LRRC49: variants seen among roughly 807,000 people sequenced by gnomAD.
LRRC49 encodes the protein leucine rich repeat containing 49.
In LRRC49, 50 loss-of-function variants were observed where a neutral mutation model predicts 83.3. The observed-to-expected ratio is 0.60, with a 90% CI of 0.48 to 0.76. The LOEUF is 0.76. LRRC49 is among the 30% of genes least tolerant of loss of function. The probability of loss-of-function intolerance (pLI) is 0.00; values close to 1 mark genes in which losing one functional copy is unlikely to be tolerated. For synonymous variants in LRRC49, 286 were observed against 283.3 expected (o/e 1.01, Z -0.10); for missense variants, 704 against 809.1 (o/e 0.87, Z 1.58).
intron 15 of LRRC49, among the ~76,000 whole-genome samples, chr15:71,044,914 C>T (rs1433744399): frequency 2.0e-5 from 2 of 98,156 alleles, no homozygotes; most frequent in African/African-American, 4.0e-5. Flanking sequence ...TTTTTTGAGA[C>T]GGAGTCTCCC....
rs142199119 is a variant in LRRC49 at position 71,030,007 on chromosome 15, T to A, written c.1704-7172T>A. ...GTCTGATTATTTTAATTGGGGCATT[T>A]AGCCCATTTACATTTAAGGTTAATA... On this transcript the variant is annotated intron_variant, in intron 14 of 15. Transcript: ENST00000260382. Among the ~76,000 whole-genome samples, 556 of 152,358 alleles carry A rather than the reference T, an allele frequency of 3.6e-3. 2 individuals carry two copies. Among genetic ancestry groups the A allele is most frequent in the Non-Finnish European group, 6.2e-3 (425 of 68,038 alleles).
intron 8 of LRRC49, among the ~76,000 whole-genome samples, chr15:70,947,471 C>T (rs897235250): frequency 6.6e-6 from 1 of 151,954 alleles, no homozygotes. Context: ...CATACAAAGA[C>T]GTGAGTGACA....
intron 8 of LRRC49, among the ~76,000 whole-genome samples, chr15:70,959,188 T>C (rs2036507381): frequency 1.3e-5 from 2 of 152,210 alleles, no homozygotes; most frequent in Admixed American, 1.3e-4. Flanking sequence ...AAAGTGATTA[T>C]TTCTTTAAAA....
Position 71,008,628 on chromosome 15 carries a change from C to T in LRRC49, c.1407+12C>T. 1 of 1,566,142 alleles carries T rather than the reference C, an allele frequency of 6.4e-7. No individual in the cohort carries two copies. The highest frequency in any genetic ancestry group is 8.8e-7 in the Non-Finnish European group (1 of 1,137,794). ...TTCCTAATTCTCTGGTAAATATTTCCTTTTAGTAGTATATTTGAATATTCT... is the reference window on the plus strand; with the variant it reads ...TTCCTAATTCTCTGGTAAATATTTCTTTTTAGTAGTATATTTGAATATTCT... On this transcript the variant is annotated intron_variant, in intron 12 of 15. Coordinates refer to ENST00000260382, the MANE Select transcript of LRRC49 (RefSeq NM_017691.5).
In LRRC49 at chr15:70,945,594, C is replaced by T. The variant is rs577846053; in HGVS notation, c.773+8772C>T. 5.8e-5 allele frequency among the ~76,000 whole-genome samples: 8 copies of T among 138,910 alleles called. No individual in the cohort carries two copies. In the South Asian group the frequency reaches 1.6e-3, roughly 28 times the overall value. The allele number at this position is 138,910 out of a possible 152,430, so 91.1% of individuals were successfully genotyped here. A position where few individuals can be genotyped will look rare whatever the true frequency, so the allele number is the denominator to read the frequency against. ...CTGTCTGTCTGTCCAGGTTATTAGACGGGTTGAATTTGTTTCCTTTTTATT... is the reference window on the plus strand; with the variant it reads ...CTGTCTGTCTGTCCAGGTTATTAGATGGGTTGAATTTGTTTCCTTTTTATT... On this transcript the variant is annotated intron_variant, in intron 8 of 15. Transcript: ENST00000260382.
intron 1 of LRRC49, among the ~76,000 whole-genome samples, chr15:70,854,770 A>G (rs1308930615): frequency 6.6e-6 from 1 of 152,180 alleles, no homozygotes; most frequent in East Asian, 1.9e-4. Context: ...GGGCTCATCC[A>G]GACCTCCTGA....
intron 15 of LRRC49, among the ~76,000 whole-genome samples, chr15:71,044,187 C>T (rs2039780910): frequency 1.3e-5 from 2 of 152,174 alleles, no homozygotes; most frequent in South Asian, 2.1e-4. Flanking sequence ...AATGTTCAGA[C>T]TATAGTATTT....
intron 8 of LRRC49, among the ~76,000 whole-genome samples, chr15:70,944,004 A>G (rs2035917339): frequency 6.6e-6 from 1 of 152,224 alleles, no homozygotes; most frequent in African/African-American, 2.4e-5. Flanking sequence ...GACAGTAAAC[A>G]TAAGATTTGT....
At chr15:70,953,342 T>C (rs892603857) in intron 8 of LRRC49, among the ~76,000 whole-genome samples, 1 of 152,204 alleles carries the variant, frequency 6.6e-6, no homozygotes, top group Non-Finnish European at 1.5e-5. Flanking sequence ...TGAATACTCT[T>C]AGCTTTGCTT....
intron 3 of LRRC49, chr15:70,898,592 GGGT>G: frequency 1.9e-6 from 1 of 514,958 alleles, no homozygotes. Flanking sequence ...TCTTGAACAT[GGGT>G]AATATGATGA....
intron 1 of LRRC49, among the ~76,000 whole-genome samples, chr15:70,860,889 G>A (rs897686289): frequency 5.9e-5 from 9 of 152,110 alleles, no homozygotes; most frequent in African/African-American, 1.2e-4. Flanking sequence ...CTAAATTCTG[G>A]CCAATAGGAT....
At chr15:71,024,571 C>CA (rs1294653383) in intron 14 of LRRC49, among the ~76,000 whole-genome samples, 2 of 151,576 alleles carry the variant, frequency 1.3e-5, no homozygotes, top group African/African-American at 4.9e-5. Context: ...ACAGCATAAA[C>CA]AAAAAAGTCC....
At chr15:71,008,313 G>C in intron 11 of LRRC49, 66 bp from the exon 12 acceptor site, 1 of 860,386 alleles carries the variant, frequency 1.2e-6, no homozygotes, top group East Asian at 2.5e-5. Flanking sequence ...TTTTCTGACA[G>C]GTCATTATAC....
At chr15:71,035,886 T>G (rs968539535) in intron 14 of LRRC49, among the ~76,000 whole-genome samples, 7 of 152,156 alleles carry the variant, frequency 4.6e-5, no homozygotes, top group African/African-American at 1.7e-4. Flanking sequence ...TCAAATCGTA[T>G]TTCTGGTTCC....
intron 7 of LRRC49, among the ~76,000 whole-genome samples, chr15:70,934,124 C>T (rs918400491): frequency 6.6e-6 from 1 of 152,140 alleles, no homozygotes; most frequent in Admixed American, 6.5e-5. Flanking sequence ...ATGAATTGTA[C>T]TCCCTGAATC....
Position 70,893,577 on chromosome 15 carries a change from A to G in LRRC49, c.49-7A>G. The G allele has an allele frequency of 6.3e-7, 1 of 1,599,156 alleles. No individual in the cohort carries two copies. Among genetic ancestry groups the G allele is most frequent in the Non-Finnish European group, 8.5e-7 (1 of 1,170,538 alleles). ...GCAAATTTTATGGTTTAATTTTTAC[A>G]TTTCAGGTGAACTGCGGGCTTCATC... is the stretch of plus-strand genomic sequence containing the variant. On this transcript the variant is annotated splice_region_variant and splice_polypyrimidine_tract_variant and intron_variant, in intron 1 of 15. Transcript: ENST00000260382.
chr15:70,994,561 G>A (rs2038013942), intron 11 of LRRC49, among the ~76,000 whole-genome samples: 1 of 151,978 alleles, frequency 6.6e-6, no homozygotes, highest in African/African-American at 2.4e-5. Flanking sequence ...TGCAACCTCC[G>A]CCTCCCAGGC....
At chr15:70,988,661 G>T (rs1312012887) in intron 11 of LRRC49, among the ~76,000 whole-genome samples, 1 of 151,746 alleles carries the variant, frequency 6.6e-6, no homozygotes, top group Non-Finnish European at 1.5e-5. Context: ...TGTTATGTGT[G>T]AATTTGATCC....
rs146189261 is a variant in LRRC49 at position 70,909,839 on chromosome 15, A to AACACACACACACACACACACAC, written c.501-1675_501-1654dup. Among the ~76,000 whole-genome samples, 376 of 136,122 alleles carry AACACACACACACACACACACAC rather than the reference A, an allele frequency of 2.8e-3. 1 individual carries two copies. Among genetic ancestry groups the AACACACACACACACACACACAC allele is most frequent in the Middle Eastern group, 7.6e-3 (2 of 262 alleles). 89.3% of individuals were successfully genotyped at this position (136,122 alleles called of 152,430 possible). A position where few individuals can be genotyped will look rare whatever the true frequency, so the allele number is the denominator to read the frequency against. ...GGTGACAGGGCGAGACTCCATCTCAAACACACACACACACACACACACACA... is the reference window on the plus strand; with the variant it reads ...GGTGACAGGGCGAGACTCCATCTCAAACACACACACACACACACACACACACACACACACACACACACACACA... On this transcript the variant is annotated intron_variant, in intron 5 of 15. Coordinates refer to ENST00000260382, the MANE Select transcript of LRRC49 (RefSeq NM_017691.5).
Sources: gnomAD v4.1 joint callset for allele counts (sites outside exome capture counted in the v4.1 genomes callset) on GRCh38, gnomAD v4.1.1 for gene constraint, MANE v1.5 for transcripts, NCBI Gene and HGNC (gene_info 2026-07-23, HGNC 2026-07-21) for gene names.